The following ATP10A variants were observed in gnomAD, a reference collection of about 807,000 sequenced individuals.
ATP10A encodes ATPase phospholipid transporting 10A (putative).
ATP10A carries 111 observed loss-of-function variants against 147.8 expected under a neutral mutation model. That is an observed-to-expected ratio of 0.75 (90% confidence interval 0.64 to 0.88). The LOEUF is 0.88. ATP10A is among the 40% of genes least tolerant of loss of function. ATP10A has a pLI of 0.00. For synonymous variants in ATP10A, 875 were observed against 841.6 expected, an observed-to-expected ratio of 1.04 and a Z score of -0.69; for missense variants, 1,927 against 1,959.0, an observed-to-expected ratio of 0.98 and a Z score of 0.31.
chr15:25,772,861 A>G (rs1055749723), intron 2 of ATP10A, among the ~76,000 whole-genome samples: 8 of 152,154 alleles, frequency 5.3e-5, no homozygotes, highest in African/African-American at 1.7e-4. Flanking sequence ...CTTCTGACAG[A>G]CACACTACTG....
At chr15:25,681,622 G>A (rs1210986642) in intron 17 of ATP10A, among the ~76,000 whole-genome samples, 2 of 152,146 alleles carry the variant, frequency 1.3e-5, no homozygotes, top group Non-Finnish European at 2.9e-5. Context: ...CACTCTCTCA[G>A]GACTTTTGGA....
chr15:25,831,719 G>A (rs28473248), intron 1 of ATP10A, among the ~76,000 whole-genome samples: 8,010 of 152,126 alleles, frequency 0.053, 261 homozygotes, highest in African/African-American at 0.099. Context: ...CCAGGTGAGG[G>A]GATCTAGAAG....
At chr15:25,727,842 G>A (rs1300112692) in intron 3 of ATP10A, among the ~76,000 whole-genome samples, 1 of 152,320 alleles carries the variant, frequency 6.6e-6, no homozygotes, top group Non-Finnish European at 1.5e-5. Flanking sequence ...TAGATCCAGA[G>A]GGATAGTCTA....
chr15:25,770,149 C>A (rs761502489), intron 2 of ATP10A, among the ~76,000 whole-genome samples: 14 of 151,136 alleles, frequency 9.3e-5, no homozygotes, highest in Non-Finnish European at 1.0e-4. Flanking sequence ...AAAACACGAC[C>A]CGGGCGAGGT....
At chr15:25,730,776 A>T (rs1409057858) in intron 3 of ATP10A, among the ~76,000 whole-genome samples, 1 of 152,218 alleles carries the variant, frequency 6.6e-6, no homozygotes, top group African/African-American at 2.4e-5. Context: ...TAAATAATAA[A>T]TAAAAATAAA....
intron 1 of ATP10A, among the ~76,000 whole-genome samples, chr15:25,827,712 C>T (rs1043666978): frequency 5.3e-5 from 8 of 152,060 alleles, no homozygotes; most frequent in Non-Finnish European, 7.4e-5. Flanking sequence ...ACAAAAAAGG[C>T]GGCAGTAATG....
chr15:25,781,591 G>A (rs1280451847), intron 1 of ATP10A, among the ~76,000 whole-genome samples: 1 of 151,868 alleles, frequency 6.6e-6, no homozygotes, highest in Non-Finnish European at 1.5e-5. Flanking sequence ...GGAGGCAGAG[G>A]TTGTAGTGAG....
At chr15:25,770,927 T>A (rs1230804588) in intron 2 of ATP10A, among the ~76,000 whole-genome samples, 2 of 152,180 alleles carry the variant, frequency 1.3e-5, no homozygotes, top group African/African-American at 4.8e-5. Context: ...ACCTGTCCTG[T>A]GGAACTCGGG....
chr15:25,716,110 G>A (rs564324955), intron 9 of ATP10A, among the ~76,000 whole-genome samples: 85 of 152,292 alleles, frequency 5.6e-4, no homozygotes, highest in Non-Finnish European at 1.1e-3. Context: ...ATTCTCGACC[G>A]CTTTTCATTG....
intron 2 of ATP10A, among the ~76,000 whole-genome samples, chr15:25,749,738 C>T (rs910752779): frequency 6.6e-6 from 1 of 152,100 alleles, no homozygotes; most frequent in Non-Finnish European, 1.5e-5. Context: ...AGTAATTATG[C>T]TGGCTTTCCA....
intron 1 of ATP10A, among the ~76,000 whole-genome samples, chr15:25,788,633 A>T (rs1890276356): frequency 6.6e-6 from 1 of 152,258 alleles, no homozygotes; most frequent in Non-Finnish European, 1.5e-5. Flanking sequence ...CAGAAATAGT[A>T]CAAATGAGCA....
At position 25,786,837 on chromosome 15, in the gene ATP10A, G is replaced by A. The variant is rs540153161; in HGVS notation, c.450-5614C>T. On this transcript the variant is annotated intron_variant, in intron 1 of 20. Transcript: ENST00000555815. ...TTTTTAGTAGAGACGGGGTTTCACC[G>A]TGTTAGCCAGGATGGTCTCAATCTC... 5.5e-5 allele frequency among the ~76,000 whole-genome samples: 8 copies of A among 146,026 alleles called. No homozygotes were observed. The East Asian group carries it at 6.1e-4, about 11-fold the overall frequency.
chr15:25,764,205 CAA>C (rs1436393222), intron 2 of ATP10A, among the ~76,000 whole-genome samples: 1 of 152,108 alleles, frequency 6.6e-6, no homozygotes, highest in Non-Finnish European at 1.5e-5. Flanking sequence ...ACTGACCCGA[CAA>C]AGACTTACGA....
chr15:25,765,617 C>G (rs1432691087), intron 2 of ATP10A, among the ~76,000 whole-genome samples: 1 of 152,222 alleles, frequency 6.6e-6, no homozygotes. Context: ...GCAGCTTCCT[C>G]CTTCCCAGAG....
At chr15:25,797,202 G>A (rs187142758) in intron 1 of ATP10A, among the ~76,000 whole-genome samples, 6 of 152,220 alleles carry the variant, frequency 3.9e-5, no homozygotes, top group Admixed American at 2.6e-4. Flanking sequence ...CCACGCGTAC[G>A]GGAGATCATG....
At chr15:25,854,925 TGA>T (rs1893443459) in intron 1 of ATP10A, among the ~76,000 whole-genome samples, 2 of 152,132 alleles carry the variant, frequency 1.3e-5, no homozygotes, top group African/African-American at 4.8e-5. Context: ...CCAGGCATTG[TGA>T]TGCCTGCCTG....
chr15:25,789,381 G>T (rs756284986), intron 1 of ATP10A, among the ~76,000 whole-genome samples: 1 of 152,182 alleles, frequency 6.6e-6, no homozygotes, highest in Non-Finnish European at 1.5e-5. Context: ...AACAGGAGAA[G>T]TGTGTAACAC....
chr15:25,774,661 A>G (rs1467824066), intron 2 of ATP10A, among the ~76,000 whole-genome samples: 1 of 152,002 alleles, frequency 6.6e-6, no homozygotes. Context: ...AATTAAAGGC[A>G]AAGAATCCAT....
chr15:25,741,429 C>T (rs769730879), intron 2 of ATP10A, among the ~76,000 whole-genome samples: 82 of 152,118 alleles, frequency 5.4e-4, no homozygotes, highest in Non-Finnish European at 1.1e-3. Context: ...GGGCTCTTTT[C>T]CCCTGGCAGC....
Sources: allele counts gnomAD v4.1 joint callset (sites outside exome capture counted in the v4.1 genomes callset), GRCh38; gene constraint gnomAD v4.1.1; transcripts MANE v1.5; gene names NCBI Gene and HGNC (gene_info 2026-07-23, HGNC 2026-07-21).